The following NR3C2 variants were observed in gnomAD, a reference collection of about 807,000 sequenced individuals.
The protein encoded by NR3C2 is nuclear receptor subfamily 3 group C member 2.
A neutral mutation model predicts 86.4 loss-of-function variants in NR3C2; 15 were observed. The observed-to-expected ratio is 0.17, with a 90% confidence interval of 0.12 to 0.27. NR3C2 has a LOEUF of 0.27. Among genes scored for constraint, NR3C2 ranks in the 10% least tolerant of loss-of-function variants. The probability of loss-of-function intolerance (pLI) is 1.00; values close to 1 mark genes in which losing one functional copy is unlikely to be tolerated. For missense variants in NR3C2, 960 were observed against 1,195.6 expected, an observed-to-expected ratio of 0.80 and a Z score of 2.91; for synonymous variants, 458 against 450.5, an observed-to-expected ratio of 1.02 and a Z score of -0.21.
At chr4:148,398,309 A>G (rs1255397768) in intron 2 of NR3C2, among the ~76,000 whole-genome samples, 1 of 152,228 alleles carries the variant, frequency 6.6e-6, no homozygotes, top group East Asian at 1.9e-4. Context: ...TAATTCTCTA[A>G]CAAGTTCAGG....
intron 4 of NR3C2, among the ~76,000 whole-genome samples, chr4:148,164,086 G>A (rs1560955024): frequency 6.6e-6 from 1 of 152,152 alleles, no homozygotes; most frequent in Admixed American, 6.5e-5. Flanking sequence ...TTTTAAATAG[G>A]AGGCTTGTAA....
At chr4:148,314,203 A>T (rs1312231313) in intron 2 of NR3C2, among the ~76,000 whole-genome samples, 1 of 152,174 alleles carries the variant, frequency 6.6e-6, no homozygotes, top group Non-Finnish European at 1.5e-5. Context: ...GAAAGAGATG[A>T]GCAAGTATGA....
intron 2 of NR3C2, among the ~76,000 whole-genome samples, chr4:148,295,325 T>C (rs1358565393): frequency 6.6e-6 from 1 of 151,802 alleles, no homozygotes; most frequent in Non-Finnish European, 1.5e-5. Flanking sequence ...TTTAAGTATG[T>C]AAATAAACAC....
At chr4:148,380,065 T>A (rs1223679133) in intron 2 of NR3C2, among the ~76,000 whole-genome samples, 1 of 152,216 alleles carries the variant, frequency 6.6e-6, no homozygotes, top group Non-Finnish European at 1.5e-5. Context: ...GCACATAGAC[T>A]TTTTTGTTTT....
At chr4:148,296,066 A>AG (rs397995744) in intron 2 of NR3C2, among the ~76,000 whole-genome samples, 5 of 148,074 alleles carry the variant, frequency 3.4e-5, no homozygotes, top group African/African-American at 1.2e-4. Flanking sequence ...AAAAAAAAAA[A>AG]GAGAGAATGT....
chr4:148,191,454 T>A (rs1329237710), intron 4 of NR3C2, among the ~76,000 whole-genome samples: 1 of 152,244 alleles, frequency 6.6e-6, no homozygotes, highest in Non-Finnish European at 1.5e-5. Context: ...CTGATGACAA[T>A]GTGCCTAGGC....
intron 6 of NR3C2, among the ~76,000 whole-genome samples, chr4:148,125,302 G>A (rs1489061339): frequency 6.6e-6 from 1 of 152,198 alleles, no homozygotes; most frequent in Non-Finnish European, 1.5e-5. Flanking sequence ...ATGCTGGCTG[G>A]TTGGTTTAGT....
intron 2 of NR3C2, among the ~76,000 whole-genome samples, chr4:148,413,062 G>C (rs1315170034): frequency 1.3e-5 from 2 of 152,112 alleles, no homozygotes; most frequent in African/African-American, 4.8e-5. Context: ...TTCCACACAA[G>C]CATAATATTT....
chr4:148,442,811 G>A, upstream of NR3C2: 1 of 985,446 alleles, frequency 1.0e-6, no homozygotes, highest in Non-Finnish European at 1.2e-6. Flanking sequence ...CCATCGCTCG[G>A]CCGCCCCAAA....
At chr4:148,323,795 G>A (rs1256542977) in intron 2 of NR3C2, among the ~76,000 whole-genome samples, 1 of 152,140 alleles carries the variant, frequency 6.6e-6, no homozygotes, top group Admixed American at 6.5e-5. Flanking sequence ...TCCCTAGTGC[G>A]ATGAACCCGG....
intron 2 of NR3C2, among the ~76,000 whole-genome samples, chr4:148,413,346 C>T (rs1579269267): frequency 6.6e-6 from 1 of 152,140 alleles, no homozygotes. Context: ...TCCACTACTA[C>T]ATGAAAAGCT....
intron 2 of NR3C2, among the ~76,000 whole-genome samples, chr4:148,355,204 C>T (rs1222136824): frequency 6.6e-6 from 1 of 152,118 alleles, no homozygotes; most frequent in African/African-American, 2.4e-5. Context: ...TCAGGCTTCT[C>T]AAGGTGAGAT....
At chr4:148,421,965 T>C (rs973186587) in intron 2 of NR3C2, among the ~76,000 whole-genome samples, 2 of 152,100 alleles carry the variant, frequency 1.3e-5, no homozygotes, top group Non-Finnish European at 2.9e-5. Context: ...ATAGAGGTAT[T>C]TGCTAATAGA....
chr4:148,134,641 CTCTTTTTTTTTTTTT>C (rs1488064950), intron 6 of NR3C2, among the ~76,000 whole-genome samples: 8 of 60,998 alleles, frequency 1.3e-4, no homozygotes, highest in African/African-American at 4.3e-4. Context: ...CTCTCTCTCT[CTCTTTTTTTTTTTTT>C]TTTTTTTTTT....
In NR3C2 at chr4:148,097,814, C is replaced by T. The variant is rs147685106; in HGVS notation, c.2799+16290G>A. 8.0e-3 allele frequency among the ~76,000 whole-genome samples: 1,191 copies of T among 148,334 alleles called. 19 individuals are homozygous for T. Among genetic ancestry groups the T allele is most frequent in the African/African-American group, 0.029 (1,130 of 39,592 alleles). On this transcript the variant is annotated intron_variant, in intron 8 of 8. Transcript: ENST00000358102. ...GTGTTAGTGTATTTTATGTGCAGCCCAAGACAATTCTTCTTCCAATGTGGC... is the reference window on the plus strand; with the variant it reads ...GTGTTAGTGTATTTTATGTGCAGCCTAAGACAATTCTTCTTCCAATGTGGC...
chr4:148,428,492 A>G (rs930438094), intron 2 of NR3C2, among the ~76,000 whole-genome samples: 2 of 152,186 alleles, frequency 1.3e-5, no homozygotes, highest in African/African-American at 4.8e-5. Flanking sequence ...TTTGCTATAA[A>G]AGGCATTATT....
At chr4:148,384,886 A>C (rs969610556) in intron 2 of NR3C2, among the ~76,000 whole-genome samples, 1 of 152,226 alleles carries the variant, frequency 6.6e-6, no homozygotes, top group Non-Finnish European at 1.5e-5. Context: ...ATAGTAACAA[A>C]GGCTACATAA....
chr4:148,243,338 ATTTCT>A (rs1016059080), intron 3 of NR3C2, among the ~76,000 whole-genome samples: 1 of 152,060 alleles, frequency 6.6e-6, no homozygotes, highest in Non-Finnish European at 1.5e-5. Context: ...CCCTAAAGAC[ATTTCT>A]TTAACTTTGG....
intron 8 of NR3C2, among the ~76,000 whole-genome samples, chr4:148,108,112 T>G (rs1731886768): frequency 6.6e-6 from 1 of 152,190 alleles, no homozygotes; most frequent in Non-Finnish European, 1.5e-5. Context: ...TGTTTTTTGT[T>G]TTTTTTATTT....
Sources: allele counts gnomAD v4.1 joint callset (sites outside exome capture counted in the v4.1 genomes callset), GRCh38; gene constraint gnomAD v4.1.1; transcripts MANE v1.5; gene names NCBI Gene and HGNC (gene_info 2026-07-23, HGNC 2026-07-21).